The following PATJ variants were observed in gnomAD, a reference collection of about 807,000 sequenced individuals.
PATJ encodes PATJ crumbs cell polarity complex component.
Under a neutral mutation model 224.9 loss-of-function variants are expected in PATJ, and 190 were observed. That is an observed-to-expected ratio of 0.84 (90% confidence interval 0.75 to 0.95). PATJ has a LOEUF of 0.95. PATJ is among the 40% of genes least tolerant of loss of function. The probability of loss-of-function intolerance (pLI) is 0.00; values close to 1 mark genes in which losing one functional copy is unlikely to be tolerated. For missense variants in PATJ, 2,121 were observed against 2,270.3 expected (o/e 0.93, Z 1.34); for synonymous variants, 769 against 820.3 (o/e 0.94, Z 1.07).
At chr1:61,858,506 C>A (rs562287179) in intron 18 of PATJ, among the ~76,000 whole-genome samples, 1 of 152,290 alleles carries the variant, frequency 6.6e-6, no homozygotes, top group East Asian at 1.9e-4. Flanking sequence ...AAACAATCCA[C>A]CTGCCTTGGC....
At chr1:62,007,679 G>A (rs74076890) in intron 28 of PATJ, among the ~76,000 whole-genome samples, 4,487 of 152,304 alleles carry the variant, frequency 0.029, 168 homozygotes, top group African/African-American at 0.079. Context: ...AGTTCTGGAG[G>A]CTGAGAAGCC....
intron 17 of PATJ, among the ~76,000 whole-genome samples, chr1:61,842,994 T>C (rs1661365211): frequency 6.6e-6 from 1 of 152,126 alleles, no homozygotes; most frequent in Non-Finnish European, 1.5e-5. Flanking sequence ...TTGTTCAAGG[T>C]GTGATGATTT....
Position 61,856,045 on chromosome 1 carries a change from A to G in PATJ, c.2128A>G (p.Thr710Ala). Residue 710 changes from threonine to alanine, a missense_variant, in exon 18 of 44, where the codon ACA becomes GCA. Physicochemically the swap from Thr to Ala is moderately conservative, Grantham distance 58. Coordinates refer to ENST00000642238, the MANE Select transcript of PATJ (RefSeq NM_001350145.3). ...CGATTCACAGGACCCTTTAGATCCT[A>G]CAAGATCAGTGATTGTGATCCGCTC... ...ILDYQDPLDP[T>A]RSVIVIRSLV... 1 of 1,613,984 alleles carries G rather than the reference A, an allele frequency of 6.2e-7. No homozygotes were observed. Among genetic ancestry groups the G allele is most frequent in the Admixed American group, 1.7e-5 (1 of 60,018 alleles).
chr1:61,814,155 A>C (rs1246389168), intron 14 of PATJ, among the ~76,000 whole-genome samples: 1 of 27,866 alleles, frequency 3.6e-5, no homozygotes, highest in East Asian at 1.5e-3. Context: ...TTTTTTTTTG[A>C]GATTCAGTGA....
intron 14 of PATJ, among the ~76,000 whole-genome samples, chr1:61,811,726 C>A (rs1045244631): frequency 1.4e-5 from 2 of 146,352 alleles, no homozygotes; most frequent in African/African-American, 5.1e-5. Flanking sequence ...CATTTTATTT[C>A]TTTTTACATT....
At chr1:61,769,256 C>T in intron 4 of PATJ, 27 bp from the exon 5 acceptor site, 1 of 1,322,206 alleles carries the variant, frequency 7.6e-7, no homozygotes, top group Non-Finnish European at 1.0e-6. Context: ...ACACCATTGA[C>T]TTTTTTTTTT....
intron 7 of PATJ, among the ~76,000 whole-genome samples, chr1:61,784,537 T>C (rs569245773): frequency 1.3e-5 from 2 of 152,360 alleles, no homozygotes; most frequent in East Asian, 3.9e-4. Flanking sequence ...GACATCATTT[T>C]AAATTAAGAG....
At chr1:61,950,656 G>GT (rs375001812) in intron 27 of PATJ, among the ~76,000 whole-genome samples, 11 of 151,770 alleles carry the variant, frequency 7.2e-5, no homozygotes, top group Non-Finnish European at 1.2e-4. Flanking sequence ...GTCAAACTGT[G>GT]TTTAACAAAA....
At chr1:62,076,191 A>G (rs997923736) in intron 31 of PATJ, among the ~76,000 whole-genome samples, 2 of 152,144 alleles carry the variant, frequency 1.3e-5, no homozygotes, top group Non-Finnish European at 2.9e-5. Flanking sequence ...AGGGCTTCTT[A>G]AAAGAAGATT....
rs549788910 is a variant in PATJ, at chr1:61,746,225, A to T, written c.-36+3670A>T. 7.2e-5 allele frequency among the ~76,000 whole-genome samples: 11 copies of T among 152,264 alleles called. No homozygotes were observed. In the East Asian group the frequency reaches 2.1e-3, roughly 29 times the overall value. On this transcript the variant is annotated intron_variant, in intron 1 of 43. Coordinates refer to ENST00000642238, the MANE Select transcript of PATJ (RefSeq NM_001350145.3). ...CCAAAGTGCCAGGATTACGGATGTG[A>T]GCCATCACGCCTGGCCTCTTTTAAA...
chr1:61,951,177 TAAA>T (rs533610349), intron 27 of PATJ, among the ~76,000 whole-genome samples: 1 of 136,736 alleles, frequency 7.3e-6, no homozygotes. Context: ...CAACTCTGTC[TAAA>T]AAAAAAAAAA....
chr1:61,763,013 A>G lies in PATJ; in HGVS notation c.23A>G (p.Asp8Gly). The change falls in exon 3 of 44, where the codon GAT (aspartate) becomes GGT (glycine). Residue 8 changes from aspartate to glycine, a missense_variant and splice_region_variant. Physicochemically the swap from Asp to Gly is moderately conservative, Grantham distance 94. Transcript: ENST00000642238. MPENPATDKLQVLQVLDR... is the reference protein window; with the variant it reads MPENPATGKLQVLQVLDR... The stretch of plus-strand genomic sequence containing the variant: ...CTCTACTTATTCATCTTGACCCAAG[A>G]TAAACTGCAGGTGCTGCAGGTACTT... 6.2e-7 allele frequency: 1 copy of G among 1,607,150 alleles called. No homozygotes were observed. The highest frequency in any genetic ancestry group is 8.5e-7 in the Non-Finnish European group (1 of 1,176,572).
rs1162014751 is a variant in PATJ, at chr1:62,102,859, CAAAAAAAA to C, written c.4378-5559_4378-5552del. On this transcript the variant is annotated intron_variant, in intron 33 of 43. Coordinates refer to ENST00000642238, the MANE Select transcript of PATJ (RefSeq NM_001350145.3). The stretch of plus-strand genomic sequence containing the variant: ...TGGGCAACAGAGCAATACCCTGTCT[CAAAAAAAA>C]AAAAAAAAAAAAAAAAAAGAATAAC... Among the ~76,000 whole-genome samples, 183 of 47,028 alleles carry C rather than the reference CAAAAAAAA, an allele frequency of 3.9e-3. 1 individual carries two copies. Among genetic ancestry groups the C allele is most frequent in the Non-Finnish European group, 6.4e-3 (147 of 23,040 alleles). The allele number at this position is 47,028 out of a possible 152,430, so 30.9% of individuals were successfully genotyped here.
chr1:61,902,947 G>A (rs369207740), intron 24 of PATJ, among the ~76,000 whole-genome samples: 4 of 152,128 alleles, frequency 2.6e-5, no homozygotes, highest in Non-Finnish European at 5.9e-5. Context: ...CAAAAGCTCC[G>A]AGGTAGGAGC....
chr1:61,755,942 C>T (rs151102784), intron 1 of PATJ, among the ~76,000 whole-genome samples: 1,609 of 152,194 alleles, frequency 0.011, 17 homozygotes, highest in Non-Finnish European at 0.015. Flanking sequence ...GCTGGGATTA[C>T]AGGCACCTGC....
At chr1:62,110,916 C>T (rs1368383319) in intron 34 of PATJ, among the ~76,000 whole-genome samples, 1 of 152,158 alleles carries the variant, frequency 6.6e-6, no homozygotes, top group Admixed American at 6.5e-5. Flanking sequence ...CTAAATAATG[C>T]ATACTGTGCT....
chr1:62,126,319 T>A (rs1362923339), intron 39 of PATJ, among the ~76,000 whole-genome samples: 2 of 152,140 alleles, frequency 1.3e-5, no homozygotes, highest in Non-Finnish European at 2.9e-5. Context: ...GGAAAAAAAA[T>A]AAAACTGGGA....
intron 22 of PATJ, among the ~76,000 whole-genome samples, chr1:61,898,891 A>G (rs1450180403): frequency 1.3e-5 from 2 of 152,098 alleles, no homozygotes; most frequent in Non-Finnish European, 1.5e-5. Context: ...GGATCAAGCA[A>G]TCTTCCAGCC....
At chr1:61,791,966 C>G (rs189873701) in intron 9 of PATJ, among the ~76,000 whole-genome samples, 7 of 152,238 alleles carry the variant, frequency 4.6e-5, no homozygotes, top group South Asian at 2.1e-4. Context: ...ATCTGCAAAG[C>G]TTTGGTAACT....
Sources: allele counts gnomAD v4.1 joint callset (sites outside exome capture counted in the v4.1 genomes callset), GRCh38; gene constraint gnomAD v4.1.1; transcripts MANE v1.5; gene names NCBI Gene and HGNC (gene_info 2026-07-23, HGNC 2026-07-21).